Variants in PTPRG observed in about 807,000 individuals in gnomAD.
PTPRG encodes protein tyrosine phosphatase receptor type G, also known as receptor-type tyrosine-protein phosphatase gamma.
PTPRG carries 102 observed loss-of-function variants against 165.3 expected under a neutral mutation model. The ratio of observed to expected loss-of-function variants is 0.62; its 90% CI spans 0.53 to 0.73. The LOEUF (loss-of-function observed/expected upper bound fraction) is 0.73. Among genes scored for constraint, PTPRG ranks in the 30% least tolerant of loss-of-function variants. The pLI is 0.00. For synonymous variants in PTPRG, 675 were observed against 669.5 expected (o/e 1.01, Z -0.13); for missense variants, 1,866 against 1,861.4 (o/e 1.00, Z -0.05).
intron 2 of PTPRG, among the ~76,000 whole-genome samples, chr3:61,774,199 T>C (rs1291024612): frequency 1.3e-5 from 2 of 152,214 alleles, no homozygotes; most frequent in Non-Finnish European, 2.9e-5. Flanking sequence ...ATCGAGTTAA[T>C]TCTCAAGTAC....
chr3:61,981,818 C>T (rs907852419), intron 2 of PTPRG, among the ~76,000 whole-genome samples: 2 of 152,176 alleles, frequency 1.3e-5, no homozygotes, highest in African/African-American at 2.4e-5. Context: ...TAAAACATCA[C>T]CACTGCCATA....
intron 1 of PTPRG, among the ~76,000 whole-genome samples, chr3:61,620,798 T>C (rs942854316): frequency 2.6e-5 from 4 of 151,820 alleles, no homozygotes; most frequent in South Asian, 2.1e-4. Context: ...CCAGCTAGTT[T>C]TTGTGTTTTT....
chr3:62,139,826 A>G (rs1340448983), intron 6 of PTPRG, among the ~76,000 whole-genome samples: 1 of 152,198 alleles, frequency 6.6e-6, no homozygotes, highest in African/African-American at 2.4e-5. Flanking sequence ...CACCAAATCT[A>G]TGGACAAAGC....
At chr3:62,206,299 C>G (rs914063194) in intron 12 of PTPRG, among the ~76,000 whole-genome samples, 3 of 142,978 alleles carry the variant, frequency 2.1e-5, no homozygotes, top group South Asian at 2.3e-4. Context: ...TGTGTAGGTC[C>G]TCGGCTTCCA....
At chr3:62,031,339 G>A (rs1436536931) in intron 4 of PTPRG, among the ~76,000 whole-genome samples, 1 of 152,180 alleles carries the variant, frequency 6.6e-6, no homozygotes, top group Non-Finnish European at 1.5e-5. Flanking sequence ...TAGAGGAGTT[G>A]GATAGGAGAA....
intron 1 of PTPRG, among the ~76,000 whole-genome samples, chr3:61,634,006 C>T (rs1245574938): frequency 1.3e-5 from 2 of 151,844 alleles, no homozygotes; most frequent in Non-Finnish European, 2.9e-5. Flanking sequence ...CCTCCACCTC[C>T]TGGGTTGAAG....
At chr3:62,032,424 G>A (rs577556700) in intron 4 of PTPRG, among the ~76,000 whole-genome samples, 3 of 152,262 alleles carry the variant, frequency 2.0e-5, no homozygotes, top group East Asian at 1.9e-4. Flanking sequence ...ATTGAATACC[G>A]AATATACTAT....
intron 4 of PTPRG, among the ~76,000 whole-genome samples, chr3:62,035,532 A>T (rs1699912201): frequency 6.6e-6 from 1 of 152,214 alleles, no homozygotes; most frequent in Admixed American, 6.5e-5. Context: ...TATTTAAGAA[A>T]TACAAGTATT....
chr3:61,904,498 A>G (rs1394164888), intron 2 of PTPRG, among the ~76,000 whole-genome samples: 1 of 152,084 alleles, frequency 6.6e-6, no homozygotes, highest in Non-Finnish European at 1.5e-5. Context: ...TGACGGTGGT[A>G]CAGTATTTCA....
intron 1 of PTPRG, among the ~76,000 whole-genome samples, chr3:61,580,755 GAATAA>G (rs1195255083): frequency 1.3e-5 from 2 of 152,156 alleles, no homozygotes; most frequent in Admixed American, 6.5e-5. Context: ...CTGTGGCTAA[GAATAA>G]AATAAAAGGA....
At chr3:62,169,229 G>GA (rs1277572705) in intron 8 of PTPRG, among the ~76,000 whole-genome samples, 2 of 152,040 alleles carry the variant, frequency 1.3e-5, no homozygotes, top group African/African-American at 2.4e-5. Flanking sequence ...CTTTGCCCGG[G>GA]AACTGCCCGC....
intron 5 of PTPRG, chr3:62,124,310 C>G: frequency 1.2e-6 from 2 of 1,607,004 alleles, no homozygotes; most frequent in Non-Finnish European, 1.7e-6. Flanking sequence ...CAGCGGCATC[C>G]TGGATGCCTG....
intron 4 of PTPRG, among the ~76,000 whole-genome samples, chr3:62,055,021 AGAT>A (rs1363319384): frequency 1.3e-5 from 2 of 152,218 alleles, no homozygotes; most frequent in Non-Finnish European, 2.9e-5. Context: ...GAATCTTGAA[AGAT>A]GATGAGTAGG....
intron 26 of PTPRG, 25 bp from the exon 27 acceptor site, chr3:62,281,538 C>CATTTTTTTTTTTTTTTTTT: frequency 1.6e-6 from 1 of 620,526 alleles, no homozygotes. Flanking sequence ...ACTGCAGAGG[C>CATTTTTTTTTTTTTTTTTT]TTTTTTTTTT....
chr3:61,823,967 T>A (rs1292789017), intron 2 of PTPRG, among the ~76,000 whole-genome samples: 1 of 151,900 alleles, frequency 6.6e-6, no homozygotes, highest in Admixed American at 6.6e-5. Context: ...TCTACTAAAT[T>A]ACAAAAATTA....
intron 2 of PTPRG, among the ~76,000 whole-genome samples, chr3:61,879,164 T>A (rs949283695): frequency 6.6e-6 from 1 of 152,230 alleles, no homozygotes; most frequent in Non-Finnish European, 1.5e-5. Flanking sequence ...CAGTGTGAGC[T>A]GCAGGACTAT....
chr3:61,960,058 C>T lies in PTPRG; in HGVS notation c.191-29567C>T, dbSNP rs368119393. On this transcript the variant is annotated intron_variant, in intron 2 of 29. Coordinates refer to ENST00000474889, the MANE Select transcript of PTPRG (RefSeq NM_002841.4). ...GCTTACGTGCCACCTTCTCAGGAGT[C>T]GCTGTATTCTGTAGGGTCTCCTTGA... Among the ~76,000 whole-genome samples, 36 of 152,246 alleles carry T rather than the reference C, an allele frequency of 2.4e-4. 1 individual carries two copies. In the East Asian group the frequency reaches 6.6e-3, roughly 28 times the overall value.
At chr3:61,698,957 G>A (rs2030775136) in intron 1 of PTPRG, among the ~76,000 whole-genome samples, 1 of 151,960 alleles carries the variant, frequency 6.6e-6, no homozygotes, top group South Asian at 2.1e-4. Context: ...CTCATAGGTG[G>A]GAAATTGAAC....
intron 8 of PTPRG, among the ~76,000 whole-genome samples, chr3:62,188,312 C>G (rs1699716576): frequency 6.6e-6 from 1 of 152,156 alleles, no homozygotes; most frequent in Admixed American, 6.5e-5. Flanking sequence ...GAGGTTGAAG[C>G]TGCAGTGAGC....
Sources: allele counts gnomAD v4.1 joint callset (sites outside exome capture counted in the v4.1 genomes callset), GRCh38; gene constraint gnomAD v4.1.1; transcripts MANE v1.5; gene names NCBI Gene and HGNC (gene_info 2026-07-23, HGNC 2026-07-21).